The following MANBAL variants were observed in gnomAD, a reference collection of about 807,000 sequenced individuals.
The protein encoded by MANBAL is mannosidase beta like, also known as protein MANBAL.
In MANBAL, 1 loss-of-function variant was observed where a neutral mutation model predicts 6.4. The ratio of observed to expected loss-of-function variants is 0.16; its 90% CI spans 0.06 to 0.74. The LOEUF is 0.74. Ranked by LOEUF, MANBAL falls within the 30% of genes least tolerant of loss-of-function variation. The probability of loss-of-function intolerance (pLI) is 0.78; values close to 1 mark genes in which losing one functional copy is unlikely to be tolerated. For synonymous variants in MANBAL, 47 were observed against 45.8 expected (o/e 1.03, Z -0.10); for missense variants, 100 against 107.8 (o/e 0.93, Z 0.32).
intron 2 of MANBAL, among the ~76,000 whole-genome samples, chr20:37,308,784 G>A (rs150077042): frequency 1.8e-4 from 28 of 152,294 alleles, no homozygotes; most frequent in Admixed American, 3.9e-4. Flanking sequence ...TAAGGTGCAC[G>A]AAGGTAACTA....
intron 2 of MANBAL, among the ~76,000 whole-genome samples, chr20:37,311,061 G>A (rs1304315859): frequency 5.3e-5 from 8 of 152,342 alleles, no homozygotes; most frequent in South Asian, 4.1e-4. Context: ...GCATGGGGCC[G>A]TCACCTGGCC....
Position 37,316,662 on chromosome 20 carries a change from CTG to C in MANBAL, c.*249_*250del. On this transcript the variant is annotated 3_prime_UTR_variant, in exon 3 of 3. Transcript: ENST00000373606. The stretch of plus-strand genomic sequence containing the variant: ...GGCTGAAACACACTGTGAGCATAGA[CTG>C]TATTAGGTTTGTTCAGAAGCCGGGT... 1 of 380,328 alleles carries C rather than the reference CTG, an allele frequency of 2.6e-6. No homozygotes were observed. Among genetic ancestry groups the C allele is most frequent in the Non-Finnish European group, 4.9e-6 (1 of 203,480 alleles). The allele number at this position is 380,328 out of a possible 1,614,324, so 23.6% of individuals were successfully genotyped here.
chr20:37,291,492 T>A (rs779732424), intron 1 of MANBAL, among the ~76,000 whole-genome samples: 20 of 152,106 alleles, frequency 1.3e-4, no homozygotes, highest in Non-Finnish European at 2.6e-4. Context: ...AACTTGAGGG[T>A]TTTGAAGATA....
Position 37,316,397 on chromosome 20 carries a change from G to A in MANBAL, c.240G>A (p.Glu80=). 6.2e-7 allele frequency: 1 copy of A among 1,613,604 alleles called. No homozygotes were observed. Among genetic ancestry groups the A allele is most frequent in the Non-Finnish European group, 8.5e-7 (1 of 1,179,698 alleles). Residue 80 remains glutamate, a synonymous_variant, in exon 3 of 3, where the codon GAG becomes GAA. Transcript: ENST00000373606. ...CTGTGAACAAGAGGCCCAAGAAAGA[G>A]ACTAAGAAGAAGCGGTAGAAGAGGA... ...VPSVNKRPKK[E]TKKKR is the part of the protein sequence containing the mutation.
intron 2 of MANBAL, among the ~76,000 whole-genome samples, chr20:37,312,380 C>T (rs1294815166): frequency 1.3e-5 from 2 of 152,150 alleles, no homozygotes; most frequent in South Asian, 2.1e-4. Context: ...TCATAGTTAA[C>T]TCAGATTCAA....
At chr20:37,308,470 G>A (rs1398695415) in intron 2 of MANBAL, among the ~76,000 whole-genome samples, 7 of 152,224 alleles carry the variant, frequency 4.6e-5, no homozygotes, top group East Asian at 1.9e-4. Flanking sequence ...TCCAGCTGCC[G>A]TCCTTCAGAG....
intron 1 of MANBAL, among the ~76,000 whole-genome samples, chr20:37,299,382 C>A (rs1891074476): frequency 6.6e-6 from 1 of 152,170 alleles, no homozygotes; most frequent in Non-Finnish European, 1.5e-5. Context: ...ATCGTTTCAG[C>A]ATGTAATCAA....
At chr20:37,307,343 AAC>A (rs1401984888) in intron 2 of MANBAL, among the ~76,000 whole-genome samples, 1 of 152,186 alleles carries the variant, frequency 6.6e-6, no homozygotes, top group Non-Finnish European at 1.5e-5. Flanking sequence ...ATTTCCCTCA[AAC>A]ACAAACCAAT....
Position 37,301,256 on chromosome 20 carries a change from C to T in MANBAL, c.-8C>T. On this transcript the variant is annotated 5_prime_UTR_variant, in exon 2 of 3. Coordinates refer to ENST00000373606, the MANE Select transcript of MANBAL (RefSeq NM_001003897.2). ...AGAAGAGACGTCAGGCAGCAAGCGA[C>T]TTGGGCCATGGCCTCTGACCTAGAC... is the stretch of plus-strand genomic sequence containing the variant. The T allele has an allele frequency of 6.3e-7, 1 of 1,586,328 alleles. No homozygotes were observed. The highest frequency in any genetic ancestry group is 1.1e-5 in the South Asian group (1 of 87,064).
At chr20:37,314,890 G>A (rs1025869401) in intron 2 of MANBAL, among the ~76,000 whole-genome samples, 1 of 152,246 alleles carries the variant, frequency 6.6e-6, no homozygotes, top group Non-Finnish European at 1.5e-5. Context: ...TTGGGCCACG[G>A]GCCAATGGGG....
intron 2 of MANBAL, among the ~76,000 whole-genome samples, chr20:37,316,007 C>T (rs1046390575): frequency 1.3e-5 from 2 of 152,208 alleles, no homozygotes; most frequent in Non-Finnish European, 2.9e-5. Flanking sequence ...AACCAAGACA[C>T]AGAAAGGGGA....
chr20:37,314,688 T>A (rs1276791161), intron 2 of MANBAL, among the ~76,000 whole-genome samples: 4 of 152,202 alleles, frequency 2.6e-5, no homozygotes, highest in African/African-American at 9.7e-5. Flanking sequence ...GGGGAAGCCC[T>A]CCAGTTATCT....
intron 2 of MANBAL, among the ~76,000 whole-genome samples, chr20:37,315,501 AC>A (rs1226156415): frequency 6.6e-6 from 1 of 152,224 alleles, no homozygotes; most frequent in Non-Finnish European, 1.5e-5. Flanking sequence ...CCTTATCAGC[AC>A]AATGAACGCC....
At chr20:37,312,718 G>T (rs572225599) in intron 2 of MANBAL, among the ~76,000 whole-genome samples, 1 of 152,294 alleles carries the variant, frequency 6.6e-6, no homozygotes, top group East Asian at 1.9e-4. Context: ...CAGTCATAGC[G>T]CACTACAGCC....
chr20:37,315,927 C>T (rs770922055), intron 2 of MANBAL, among the ~76,000 whole-genome samples: 5 of 152,274 alleles, frequency 3.3e-5, no homozygotes, highest in Non-Finnish European at 7.3e-5. Flanking sequence ...TGGGTGCTTT[C>T]CACGTAGTTT....
chr20:37,293,497 T>C (rs2068919730), intron 1 of MANBAL, among the ~76,000 whole-genome samples: 1 of 152,038 alleles, frequency 6.6e-6, no homozygotes, highest in African/African-American at 2.4e-5. Flanking sequence ...CGGCTGTAAA[T>C]ATAAAAGAAA....
In MANBAL at chr20:37,304,514, ATATT is replaced by A. The variant is rs2069213694; in HGVS notation, c.150+3105_150+3108del. 2.6e-5 allele frequency among the ~76,000 whole-genome samples: 4 copies of A among 152,190 alleles called. No homozygotes were observed. In the South Asian group the frequency reaches 8.3e-4, roughly 31 times the overall value. ...ATATATGTGTATGGTGTGTACATAT[ATATT>A]TATATTCCCCCCTTCATTAAATAAA... is the stretch of plus-strand genomic sequence containing the variant. On this transcript the variant is annotated intron_variant, in intron 2 of 2. Transcript: ENST00000373606.
At chr20:37,300,893 A>G (rs1452702547) in intron 1 of MANBAL, among the ~76,000 whole-genome samples, 3 of 152,120 alleles carry the variant, frequency 2.0e-5, no homozygotes, top group Admixed American at 2.0e-4. Context: ...CTGCAATCCC[A>G]GCACTTTGGG....
At chr20:37,316,239 T>C (rs1369567548) in intron 2 of MANBAL, 69 bp from the exon 3 acceptor site, 2 of 1,408,672 alleles carry the variant, frequency 1.4e-6, no homozygotes, top group African/African-American at 1.4e-5. Context: ...TGCTTTCAGA[T>C]GTGATCTCCT....
Sources: gnomAD v4.1 joint callset for allele counts (sites outside exome capture counted in the v4.1 genomes callset) on GRCh38, gnomAD v4.1.1 for gene constraint, MANE v1.5 for transcripts, NCBI Gene and HGNC (gene_info 2026-07-23, HGNC 2026-07-21) for gene names.